Variants in UBAP2L observed in about 807,000 individuals in gnomAD.
UBAP2L encodes the protein ubiquitin associated protein 2 like, also known as ubiquitin-associated protein 2-like.
Under a neutral mutation model 130.6 loss-of-function variants are expected in UBAP2L, and 12 were observed. That is an observed-to-expected ratio of 0.09 (90% confidence interval 0.06 to 0.15). UBAP2L has a LOEUF of 0.15. UBAP2L is among the 10% of genes least tolerant of loss of function. The pLI, the probability that UBAP2L is intolerant of heterozygous loss-of-function variation, is 1.00. For missense variants in UBAP2L, 965 were observed against 1,332.5 expected (o/e 0.72, Z 4.29); for synonymous variants, 503 against 524.7 (o/e 0.96, Z 0.57).
intron 5 of UBAP2L, 135 bp from the exon 6 acceptor site, chr1:154,235,061 C>G (rs1278726310): frequency 1.5e-6 from 1 of 658,900 alleles, no homozygotes; most frequent in Non-Finnish European, 2.7e-6. Context: ...ATTTTCTCTT[C>G]GTTGTTTTTT....
chr1:154,257,502 C>T, intron 20 of UBAP2L, 68 bp downstream of exon 20: 1 of 1,559,152 alleles, frequency 6.4e-7, no homozygotes, highest in East Asian at 2.2e-5. Flanking sequence ...ATAGCTCTGG[C>T]TTCAGATGGA....
chr1:154,241,406 A>G, intron 8 of UBAP2L, 107 bp from the exon 9 acceptor site: 1 of 1,031,848 alleles, frequency 9.7e-7, no homozygotes, highest in Non-Finnish European at 1.5e-6. Context: ...ACTAAATTTT[A>G]GTCATACTTT....
At chr1:154,257,011 A>C (rs531463364) in intron 18 of UBAP2L, 52 bp from the exon 19 acceptor site, 17 of 1,574,750 alleles carry the variant, frequency 1.1e-5, no homozygotes, top group Non-Finnish European at 1.5e-5. Flanking sequence ...TTCCTGACCT[A>C]TGATGCTGAT....
At chr1:154,265,986 A>G (rs1683118790) in intron 24 of UBAP2L, among the ~76,000 whole-genome samples, 1 of 152,188 alleles carries the variant, frequency 6.6e-6, no homozygotes, top group African/African-American at 2.4e-5. Context: ...TGAGGCTCTG[A>G]GAATGAGAGT....
At chr1:154,269,128 G>A (rs1223115597) in intron 26 of UBAP2L, 174 bp downstream of exon 26, 11 of 942,780 alleles carry the variant, frequency 1.2e-5, no homozygotes, top group East Asian at 2.6e-5. Context: ...ACGAGCGGCC[G>A]GCAAAGGAAA....
At position 154,254,897 on chromosome 1, in the gene UBAP2L, G is replaced by A. The variant is rs145218239; in HGVS notation, c.1909+7G>A. 1,924 of 1,597,458 alleles carry A rather than the reference G, an allele frequency of 1.2e-3. 28 individuals carry two copies. The African/African-American group carries it at 0.022, about 18-fold the overall frequency. On this transcript the variant is annotated splice_region_variant and intron_variant, in intron 16 of 26. Transcript: ENST00000428931. ...ACCACACAATCTGTTGAAGGTGAGT[G>A]TTCTTCAGGCTTTTCCCCTCCTAAG...
intron 11 of UBAP2L, among the ~76,000 whole-genome samples, chr1:154,248,565 C>A (rs1322943450): frequency 6.6e-6 from 1 of 152,016 alleles, no homozygotes; most frequent in Admixed American, 6.6e-5. Context: ...GCCTCTAATC[C>A]CAGCACTTTG....
intron 16 of UBAP2L, 95 bp downstream of exon 16, chr1:154,254,985 C>A (rs1679143960): frequency 8.9e-6 from 13 of 1,458,606 alleles, no homozygotes; most frequent in Non-Finnish European, 7.5e-6. Flanking sequence ...ACAATTGAGA[C>A]CCATGCTGTG....
chr1:154,246,465 G>A, intron 11 of UBAP2L, 90 bp downstream of exon 11: 2 of 1,431,358 alleles, frequency 1.4e-6, no homozygotes, highest in South Asian at 2.8e-5. Context: ...TCAGGTTTTT[G>A]GCAGGTGAAG....
rs750928196 is a variant in UBAP2L, at chr1:154,251,672, A to G, written c.1664+19A>G. 34 of 1,612,884 alleles carry G rather than the reference A, an allele frequency of 2.1e-5. No individual in the cohort carries two copies. Among genetic ancestry groups the G allele is most frequent in the East Asian group, 1.3e-4 (6 of 44,882 alleles). On this transcript the variant is annotated intron_variant, in intron 14 of 26. Coordinates refer to ENST00000428931, the MANE Select transcript of UBAP2L (RefSeq NM_014847.4). The stretch of plus-strand genomic sequence containing the variant: ...CGGCCAGGTAGAGGAAACATTAACC[A>G]TAAGACCTCTCTTATTAACCTTTAC...
In UBAP2L at chr1:154,270,736, T is replaced by C. The variant is rs1684567956; in HGVS notation, c.*441T>C. On this transcript the variant is annotated 3_prime_UTR_variant, in exon 27 of 27. Transcript: ENST00000428931. ...ATGGCGTCATGAATATGAACAGCATTGTCAGATGAATTAGTTGAAGTGGTT... is the reference window on the plus strand; with the variant it reads ...ATGGCGTCATGAATATGAACAGCATCGTCAGATGAATTAGTTGAAGTGGTT... 7.0e-7 allele frequency: 1 copy of C among 1,427,798 alleles called. No individual in the cohort carries two copies. The highest frequency in any genetic ancestry group is 9.1e-7 in the Non-Finnish European group (1 of 1,098,494). 88.4% of individuals were successfully genotyped at this position (1,427,798 alleles called of 1,614,324 possible).
intron 14 of UBAP2L, among the ~76,000 whole-genome samples, chr1:154,253,575 T>C (rs1444297923): frequency 1.3e-5 from 2 of 151,614 alleles, no homozygotes; most frequent in African/African-American, 2.4e-5. Flanking sequence ...GTAGAGACCA[T>C]GTTAGCCAGG....
At chr1:154,239,283 G>C (rs982803971) in intron 8 of UBAP2L, among the ~76,000 whole-genome samples, 4 of 151,398 alleles carry the variant, frequency 2.6e-5, no homozygotes, top group Non-Finnish European at 5.9e-5. Flanking sequence ...CATTGGGGTT[G>C]AGGGGTCAAA....
chr1:154,270,088 G>A, intron 26 of UBAP2L, 112 bp from the exon 27 acceptor site: 3 of 1,327,974 alleles, frequency 2.3e-6, no homozygotes, highest in Non-Finnish European at 3.1e-6. Flanking sequence ...TAATAGTAGT[G>A]AGGGGAATGG....
intron 11 of UBAP2L, among the ~76,000 whole-genome samples, chr1:154,247,833 T>C (rs926904643): frequency 6.6e-6 from 1 of 152,184 alleles, no homozygotes; most frequent in Non-Finnish European, 1.5e-5. Context: ...GTAATTTCCT[T>C]TCTATTGAGA....
Position 154,246,316 on chromosome 1 carries a change from T to G in UBAP2L, c.955T>G (p.Ser319Ala). ...GGCCCAGCCTCTGGTGTTCAGTAATTCGAAGCAGACTGCCATATCACAGCC... is the reference window on the plus strand; with the variant it reads ...GGCCCAGCCTCTGGTGTTCAGTAATGCGAAGCAGACTGCCATATCACAGCC... ...SLAQPLVFSN[S>A]KQTAISQPAS... The change falls in exon 11 of 27, where the codon TCG (serine) becomes GCG (alanine). Residue 319 changes from serine to alanine, a missense_variant. Transcript: ENST00000428931. The G allele has an allele frequency of 6.2e-7, 1 of 1,613,740 alleles. No individual in the cohort carries two copies. Among genetic ancestry groups the G allele is most frequent in the Non-Finnish European group, 8.5e-7 (1 of 1,179,888 alleles).
chr1:154,235,643 G>A (rs1004582091), intron 6 of UBAP2L, among the ~76,000 whole-genome samples: 1 of 152,180 alleles, frequency 6.6e-6, no homozygotes, highest in Non-Finnish European at 1.5e-5. Context: ...CCAAGTAGCT[G>A]GGATTACAAG....
At chr1:154,252,792 G>C (rs1195055096) in intron 14 of UBAP2L, among the ~76,000 whole-genome samples, 3 of 151,962 alleles carry the variant, frequency 2.0e-5, no homozygotes, top group Non-Finnish European at 4.4e-5. Context: ...CTCCTGAATG[G>C]AGATGATCTG....
intron 8 of UBAP2L, among the ~76,000 whole-genome samples, chr1:154,237,399 C>T (rs571531236): frequency 1.3e-5 from 2 of 152,178 alleles, no homozygotes; most frequent in Admixed American, 1.3e-4. Context: ...AAACTAAGGC[C>T]GAAAGAGAGG....
Sources: allele counts gnomAD v4.1 joint callset (sites outside exome capture counted in the v4.1 genomes callset), GRCh38; gene constraint gnomAD v4.1.1; transcripts MANE v1.5; gene names NCBI Gene and HGNC (gene_info 2026-07-23, HGNC 2026-07-21).